Variants in ZNF14 observed in about 807,000 individuals in gnomAD.
ZNF14 encodes gonadotropin inducible transcription repressor-4.
In ZNF14, 9 loss-of-function variants were observed where a neutral mutation model predicts 11.3. The ratio of observed to expected loss-of-function variants is 0.80; its 90% confidence interval spans 0.48 to 1.39. The LOEUF (loss-of-function observed/expected upper bound fraction) is 1.39. ZNF14 is among the 40% of genes most tolerant of loss of function. The pLI is 0.00. For synonymous variants in ZNF14, 239 were observed against 245.7 expected, an observed-to-expected ratio of 0.97 and a Z score of 0.25; for missense variants, 711 against 763.9, an observed-to-expected ratio of 0.93 and a Z score of 0.82.
chr19:19,714,707 C>CTTTT (rs1331151314), intron 1 of ZNF14, among the ~76,000 whole-genome samples: 1 of 115,684 alleles, frequency 8.6e-6, no homozygotes, highest in Non-Finnish European at 2.0e-5. Context: ...TTTCCTTTTT[C>CTTTT]TTTTTCTTTT....
At chr19:19,730,332 TTTTA>T (rs1450907616) in intron 1 of ZNF14, among the ~76,000 whole-genome samples, 6 of 152,014 alleles carry the variant, frequency 3.9e-5, no homozygotes, top group African/African-American at 1.4e-4. Flanking sequence ...CAGCCCGCAG[TTTTA>T]TTTAAGGGCA....
chr19:19,722,660 C>G (rs984175523), intron 1 of ZNF14, among the ~76,000 whole-genome samples: 5 of 152,086 alleles, frequency 3.3e-5, no homozygotes, highest in East Asian at 1.9e-4. Context: ...AAATTACCTT[C>G]GGCAGTATGG....
rs1400755967 is a variant in ZNF14, at chr19:19,724,147, T to C, written c.3+8809A>G. 3.4e-4 allele frequency among the ~76,000 whole-genome samples: 45 copies of C among 132,726 alleles called. 10 individuals are homozygous for C. In the Middle Eastern group the frequency reaches 0.017, roughly 50 times the overall value. The allele number at this position is 132,726 out of a possible 152,430, so 87.1% of individuals were successfully genotyped here. A position where few individuals can be genotyped will look rare whatever the true frequency, so the allele number is the denominator to read the frequency against. On this transcript the variant is annotated intron_variant, in intron 1 of 3. Coordinates refer to ENST00000344099, the MANE Select transcript of ZNF14 (RefSeq NM_021030.3). ...AGCTTTTGAATGTGTTTGCTCTTGC[T>C]TCTCTAGTTCTTTTAATTGTGATGT...
Position 19,714,427 on chromosome 19 carries a change from C to T in ZNF14, c.64G>A (p.Asp22Asn). 6.2e-7 allele frequency: 1 copy of T among 1,614,118 alleles called. No homozygotes were observed. The highest frequency in any genetic ancestry group is 8.5e-7 in the Non-Finnish European group (1 of 1,180,024). Reference protein sequence around the residue: ...NFTLEEWALLDSSQKKLYEDV... With the variant: ...NFTLEEWALLNSSQKKLYEDV... ...TCATAGAGCTTTTTCTGTGAAGAAT[C>T]CAGCAAAGCCCACTCCTCCAGGGTG... Residue 22 changes from aspartate (D) to asparagine (N), a missense_variant, in exon 2 of 4, where the codon GAT becomes AAT. Coordinates refer to ENST00000344099, the MANE Select transcript of ZNF14 (RefSeq NM_021030.3).
rs780571832 is a variant in ZNF14 at position 19,711,135 on chromosome 19, T to C, written c.*217A>G. On this transcript the variant is annotated 3_prime_UTR_variant, in exon 4 of 4. Transcript: ENST00000344099. ...AGATTTCACTGCAGCACGAGTCCTG[T>C]CTTTGAAATGAATTAGGTCAACTGA... The C allele has an allele frequency of 2.7e-4, 132 of 484,616 alleles. No homozygotes were observed. The highest frequency in any genetic ancestry group is 4.0e-4 in the Non-Finnish European group (115 of 289,282). 30.0% of individuals were successfully genotyped at this position (484,616 alleles called of 1,614,324 possible).
At position 19,726,462 on chromosome 19, in the gene ZNF14, G is replaced by A. The variant is rs541454367; in HGVS notation, c.3+6494C>T. On this transcript the variant is annotated intron_variant, in intron 1 of 3. Coordinates refer to ENST00000344099, the MANE Select transcript of ZNF14 (RefSeq NM_021030.3). ...TCCTCTTGAAGCTTCGTCTCAGAGGGGCACCCGGCTGTATGAGGTGTCAGT... is the reference window on the plus strand; with the variant it reads ...TCCTCTTGAAGCTTCGTCTCAGAGGAGCACCCGGCTGTATGAGGTGTCAGT... Among the ~76,000 whole-genome samples, 2 of 133,616 alleles carry A rather than the reference G, an allele frequency of 1.5e-5. 1 individual carries two copies. Among genetic ancestry groups the A allele is most frequent in the East Asian group, 4.2e-4 (2 of 4,724 alleles). The allele number at this position is 133,616 out of a possible 152,430, so 87.7% of individuals were successfully genotyped here.
At chr19:19,714,185 T>G (rs764354420) in intron 2 of ZNF14, 34 bp from the exon 3 acceptor site, 10 of 1,602,456 alleles carry the variant, frequency 6.2e-6, no homozygotes, top group Non-Finnish European at 8.5e-6. Context: ...CATTAAAAAT[T>G]ATTAGAAATT....
At chr19:19,724,504 A>G (rs2062401478) in intron 1 of ZNF14, among the ~76,000 whole-genome samples, 1 of 133,860 alleles carries the variant, frequency 7.5e-6, no homozygotes, top group Non-Finnish European at 1.7e-5. Context: ...ACTTCCAACT[A>G]TGTGGTCAAT....
chr19:19,715,279 C>T (rs985805909), intron 1 of ZNF14, among the ~76,000 whole-genome samples: 7 of 152,146 alleles, frequency 4.6e-5, no homozygotes, highest in African/African-American at 1.2e-4. Flanking sequence ...CATCAACAAA[C>T]GAGAGGCCAG....
At position 19,712,689 on chromosome 19, in the gene ZNF14, C is replaced by T. The variant is rs776910122; in HGVS notation, c.592G>A (p.Glu198Lys). The change falls in exon 4 of 4, where the codon GAA (glutamate) becomes AAA (lysine). Residue 198 changes from glutamate (E) to lysine (K), a missense_variant. Physicochemically the swap from Glu to Lys is moderately conservative, Grantham distance 56. Coordinates refer to ENST00000344099, the MANE Select transcript of ZNF14 (RefSeq NM_021030.3). ...ERTHAGQKPY[E>K]CKQCGKTFIY... ...AAGGTTTTTCCACATTGCTTACATTCATAGGGTTTCTGTCCAGCATGAGTC... is the reference window on the plus strand; with the variant it reads ...AAGGTTTTTCCACATTGCTTACATTTATAGGGTTTCTGTCCAGCATGAGTC... 6.2e-7 allele frequency: 1 copy of T among 1,613,730 alleles called. No individual in the cohort carries two copies. The highest frequency in any genetic ancestry group is 8.5e-7 in the Non-Finnish European group (1 of 1,179,934).
rs753631548 is a variant in ZNF14 at position 19,711,592 on chromosome 19, T to C, written c.1689A>G (p.Gln563=). The change falls in exon 4 of 4, where the codon CAA becomes CAG. Residue 563 remains glutamine, a synonymous_variant. Coordinates refer to ENST00000344099, the MANE Select transcript of ZNF14 (RefSeq NM_021030.3). Reference sequence around the variant, plus strand: ...TGGAAGAAATGAAGGCTTTTCCACATTGTTTACATTGATACGGTTTCTCTC... The same window carrying C: ...TGGAAGAAATGAAGGCTTTTCCACACTGTTTACATTGATACGGTTTCTCTC... ...HTGEKPYQCK[Q]CGKAFISSSK... is the part of the protein sequence containing the mutation. The C allele has an allele frequency of 3.7e-6, 6 of 1,613,832 alleles. No individual in the cohort carries two copies. The highest frequency in any genetic ancestry group is 2.7e-5 in the African/African-American group (2 of 74,904).
At position 19,716,626 on chromosome 19, in the gene ZNF14, C is replaced by A. The variant is rs561472923; in HGVS notation, c.4-2139G>T. On this transcript the variant is annotated intron_variant, in intron 1 of 3. Coordinates refer to ENST00000344099, the MANE Select transcript of ZNF14 (RefSeq NM_021030.3). The stretch of plus-strand genomic sequence containing the variant: ...TAAAGCTATCATCCATCAAACATCA[C>A]AAAAAAATGAAGTCAGAGACTTCCA... 2.6e-5 allele frequency among the ~76,000 whole-genome samples: 4 copies of A among 151,860 alleles called. No homozygotes were observed. In the East Asian group the frequency reaches 7.7e-4, roughly 29 times the overall value.
rs1421185375 is a variant in ZNF14, at chr19:19,723,694, C to T, written c.4-9207G>A. On this transcript the variant is annotated intron_variant, in intron 1 of 3. Coordinates refer to ENST00000344099, the MANE Select transcript of ZNF14 (RefSeq NM_021030.3). ...TCTTTGTACCTCTGGTAGAATCTGGCTGTGAATCCATCTGGTCCTGGGCTT... is the reference window on the plus strand; with the variant it reads ...TCTTTGTACCTCTGGTAGAATCTGGTTGTGAATCCATCTGGTCCTGGGCTT... 1.5e-5 allele frequency among the ~76,000 whole-genome samples: 2 copies of T among 132,770 alleles called. 1 individual carries two copies. The highest frequency in any genetic ancestry group is 3.3e-5 in the Non-Finnish European group (2 of 59,960). 87.1% of individuals were successfully genotyped at this position (132,770 alleles called of 152,430 possible).
chr19:19,722,107 G>A (rs1280190849), intron 1 of ZNF14, among the ~76,000 whole-genome samples: 2 of 151,982 alleles, frequency 1.3e-5, no homozygotes, highest in African/African-American at 4.8e-5. Flanking sequence ...CATAAACCAG[G>A]GTAACACAAG....
rs2062390776 is a variant in ZNF14, at chr19:19,720,662, T to C, written c.4-6175A>G. Among the ~76,000 whole-genome samples the C allele has an allele frequency of 6.6e-6, 1 of 152,086 alleles. No individual in the cohort carries two copies. Among genetic ancestry groups the C allele is most frequent in the South Asian group, 2.1e-4 (1 of 4,830 alleles). ...CCTGCCAGGAAATTGGGCAGCTCAA[T>C]TTTCTAAGAGCTCCTAAAATAATTG... On this transcript the variant is annotated intron_variant, in intron 1 of 3. Coordinates refer to ENST00000344099, the MANE Select transcript of ZNF14 (RefSeq NM_021030.3). This position sits in a 1 kb window ranked among gnomAD's most constrained non-coding sequence, Gnocchi z 4.1.
intron 1 of ZNF14, among the ~76,000 whole-genome samples, chr19:19,717,267 T>C (rs989239509): frequency 2.6e-5 from 4 of 152,126 alleles, no homozygotes; most frequent in Non-Finnish European, 5.9e-5. Flanking sequence ...ATACTTAGCA[T>C]CACCGGTTTA....
At position 19,728,785 on chromosome 19, in the gene ZNF14, C is replaced by T. The variant is rs2062414014; in HGVS notation, c.3+4171G>A. On this transcript the variant is annotated intron_variant, in intron 1 of 3. Transcript: ENST00000344099. The stretch of plus-strand genomic sequence containing the variant: ...CAATGCCACTGGGATACCCATTGGA[C>T]TGTGATATATAATAGAAGAGGATAA... Among the ~76,000 whole-genome samples, 2 of 104,214 alleles carry T rather than the reference C, an allele frequency of 1.9e-5. 1 individual carries two copies. The highest frequency in any genetic ancestry group is 7.1e-5 in the African/African-American group (2 of 28,282). The allele number at this position is 104,214 out of a possible 152,430, so 68.4% of individuals were successfully genotyped here.
intron 1 of ZNF14, among the ~76,000 whole-genome samples, chr19:19,722,236 T>G (rs1436836339): frequency 3.3e-5 from 5 of 152,224 alleles, no homozygotes; most frequent in African/African-American, 1.2e-4. Context: ...ACTTAGTTTC[T>G]CCAAGATCAC....
intron 1 of ZNF14, among the ~76,000 whole-genome samples, chr19:19,731,361 G>A (rs2062422704): frequency 6.6e-6 from 1 of 151,418 alleles, no homozygotes; most frequent in Non-Finnish European, 1.5e-5. Context: ...GACCACCTGA[G>A]GTCAGGAGTT....
Sources: allele counts gnomAD v4.1 joint callset (sites outside exome capture counted in the v4.1 genomes callset), GRCh38; gene constraint gnomAD v4.1.1; non-coding constraint Gnocchi (gnomAD v3.1); transcripts MANE v1.5; gene names NCBI Gene and HGNC (gene_info 2026-07-23, HGNC 2026-07-21).